Variants in NOSTRIN observed in about 807,000 individuals in gnomAD.
NOSTRIN encodes BM247 homolog.
A neutral mutation model predicts 59.0 loss-of-function variants in NOSTRIN; 63 were observed. The observed-to-expected ratio is 1.07, with a 90% confidence interval of 0.87 to 1.32. NOSTRIN has a LOEUF of 1.32. NOSTRIN is among the 40% of genes most tolerant of loss of function. The pLI, the probability that NOSTRIN is intolerant of heterozygous loss-of-function variation, is 0.00. For missense variants in NOSTRIN, 512 were observed against 473.1 expected (o/e 1.08, Z -0.76); for synonymous variants, 200 against 165.4 (o/e 1.21, Z -1.61).
intron 8 of NOSTRIN, among the ~76,000 whole-genome samples, chr2:168,846,813 G>A (rs1412604990): frequency 2.6e-5 from 4 of 152,048 alleles, no homozygotes; most frequent in East Asian, 1.9e-4. Context: ...AAAATGATTC[G>A]AGTGGCTGCT....
intron 2 of NOSTRIN, among the ~76,000 whole-genome samples, chr2:168,791,394 G>T (rs1337211978): frequency 1.3e-5 from 2 of 152,102 alleles, no homozygotes; most frequent in Non-Finnish European, 2.9e-5. Context: ...GTCTATCATT[G>T]TTGGACATTT....
At chr2:168,859,301 A>T in intron 12 of NOSTRIN, 1 of 566,674 alleles carries the variant, frequency 1.8e-6, no homozygotes, top group South Asian at 2.6e-5. Context: ...GTACAGAATG[A>T]GACACACTCA....
chr2:168,843,922 A>T (rs1228382630), intron 8 of NOSTRIN, among the ~76,000 whole-genome samples: 15 of 152,246 alleles, frequency 9.9e-5, no homozygotes, highest in African/African-American at 3.4e-4. Context: ...TTATAATTGC[A>T]TGTGAGAAAA....
At chr2:168,858,079 G>A (rs1197558605) in intron 12 of NOSTRIN, among the ~76,000 whole-genome samples, 5 of 152,224 alleles carry the variant, frequency 3.3e-5, no homozygotes. Flanking sequence ...GACCGCACAA[G>A]CTGTTTAGTT....
chr2:168,805,828 C>T (rs1480563867), intron 1 of NOSTRIN, among the ~76,000 whole-genome samples: 3 of 152,118 alleles, frequency 2.0e-5, no homozygotes, highest in East Asian at 1.9e-4. Context: ...TGCCATGGTC[C>T]GTAGCTCCTA....
intron 14 of NOSTRIN, among the ~76,000 whole-genome samples, chr2:168,861,635 C>G (rs1689455504): frequency 6.6e-6 from 1 of 152,058 alleles, no homozygotes. Flanking sequence ...GTATTTATAC[C>G]TGAATGGCAA....
chr2:168,788,982 C>T (rs1001541964), intron 2 of NOSTRIN, among the ~76,000 whole-genome samples: 4 of 152,068 alleles, frequency 2.6e-5, no homozygotes, highest in African/African-American at 9.7e-5. Context: ...GAGTCAATGC[C>T]TCCTCAGTAG....
chr2:168,791,806 T>A (rs1462380096), intron 2 of NOSTRIN, among the ~76,000 whole-genome samples: 2 of 152,246 alleles, frequency 1.3e-5, no homozygotes, highest in Non-Finnish European at 2.9e-5. Context: ...TGTCTGTTCA[T>A]ATCCTTCACC....
At chr2:168,792,183 T>G (rs1685374458) in intron 2 of NOSTRIN, among the ~76,000 whole-genome samples, 1 of 152,160 alleles carries the variant, frequency 6.6e-6, no homozygotes, top group Admixed American at 6.5e-5. Context: ...TTCAAAATCT[T>G]AATGTCCTAA....
chr2:168,831,512 G>C lies in NOSTRIN; in HGVS notation c.383G>C (p.Ser128Thr), dbSNP rs1203060762. The C allele has an allele frequency of 4.6e-6, 4 of 864,718 alleles. No individual in the cohort carries two copies. The highest frequency in any genetic ancestry group is 8.1e-6 in the Non-Finnish European group (4 of 494,880). The allele number at this position is 864,718 out of a possible 1,614,324, so 53.6% of individuals were successfully genotyped here. Residue 128 changes from serine (S) to threonine (T), a missense_variant, in exon 6 of 16, where the codon AGC becomes ACC. Ser to Thr is a moderately conservative substitution (Grantham distance 58). Transcript: ENST00000317647. ...GAAAAGACAGCAAATCTTGTCATTAGCAACTGGAATCAGCAAATTAAGGCA... is the reference window on the plus strand; with the variant it reads ...GAAAAGACAGCAAATCTTGTCATTACCAACTGGAATCAGCAAATTAAGGCA... Reference protein sequence around the residue: ...EVEKTANLVISNWNQQIKAKK... With the variant: ...EVEKTANLVITNWNQQIKAKK...
upstream of NOSTRIN, among the ~76,000 whole-genome samples, chr2:168,799,630 G>A (rs901212854): frequency 6.6e-6 from 1 of 152,096 alleles, no homozygotes; most frequent in African/African-American, 2.4e-5. Flanking sequence ...GGTGGAATGT[G>A]GGGTCAGAGG....
intron 8 of NOSTRIN, among the ~76,000 whole-genome samples, chr2:168,846,700 T>G (rs191047108): frequency 2.5e-4 from 38 of 152,340 alleles, no homozygotes; most frequent in African/African-American, 9.1e-4. Context: ...CTGAAGTACT[T>G]ACTCAAGGAA....
intron 3 of NOSTRIN, among the ~76,000 whole-genome samples, chr2:168,826,100 T>C (rs1356697360): frequency 2.0e-5 from 3 of 152,198 alleles, no homozygotes; most frequent in Admixed American, 2.0e-4. Context: ...CTATCTCTTA[T>C]GGTTGCTGTG....
chr2:168,843,999 G>A (rs1044713029), intron 8 of NOSTRIN, among the ~76,000 whole-genome samples: 2 of 152,218 alleles, frequency 1.3e-5, no homozygotes, highest in Non-Finnish European at 2.9e-5. Flanking sequence ...CATTTGGAAA[G>A]TGAACTAATA....
chr2:168,862,163 C>A, intron 15 of NOSTRIN, 114 bp downstream of exon 15: 3 of 861,484 alleles, frequency 3.5e-6, no homozygotes, highest in South Asian at 3.2e-5. Context: ...CAAATCAGTT[C>A]ACCCTTCTTG....
rs948079319 is a variant in NOSTRIN, at chr2:168,834,289, C to A, written c.468C>A (p.Ser156Arg). The A allele has an allele frequency of 2.3e-6, 2 of 872,712 alleles. No individual in the cohort carries two copies. Among genetic ancestry groups the A allele is most frequent in the African/African-American group, 1.6e-5 (1 of 61,288 alleles). The allele number at this position is 872,712 out of a possible 1,614,324, so 54.1% of individuals were successfully genotyped here. ...AAGCACTTTTCCAGCTTGTAGAAAG[C>A]TCCAAGCAATCTATGACTGAGAAGG... is the stretch of plus-strand genomic sequence containing the variant. ...KHEALFQLVE[S>R]SKQSMTEKEK... is the part of the protein sequence containing the mutation. Residue 156 changes from serine (S) to arginine (R), a missense_variant, in exon 7 of 16, where the codon AGC (serine) becomes AGA (arginine). Coordinates refer to ENST00000317647, the MANE Select transcript of NOSTRIN (RefSeq NM_001039724.4).
Position 168,855,332 on chromosome 2 carries a change from A to G in NOSTRIN, c.856-20A>G, listed in dbSNP as rs1689014316. On this transcript the variant is annotated intron_variant, in intron 10 of 15. Coordinates refer to ENST00000317647, the MANE Select transcript of NOSTRIN (RefSeq NM_001039724.4). The stretch of plus-strand genomic sequence containing the variant: ...TCTTACTTCTTCCCCCTTGTTAGAC[A>G]TCCTTCTTTTTTCCTAAAGGAAGAA... 7.5e-7 allele frequency: 1 copy of G among 1,331,152 alleles called. No individual in the cohort carries two copies. Among genetic ancestry groups the G allele is most frequent in the Middle Eastern group, 1.9e-4 (1 of 5,202 alleles). 82.5% of individuals were successfully genotyped at this position (1,331,152 alleles called of 1,614,324 possible). A position where few individuals can be genotyped will look rare whatever the true frequency, so the allele number is the denominator to read the frequency against.
chr2:168,856,780 TAAATGTTTGCCGAGTGC>T lies in NOSTRIN; in HGVS notation c.1053+4_1053+20del. The T allele has an allele frequency of 6.2e-7, 1 of 1,613,338 alleles. No homozygotes were observed. On this transcript the variant is annotated splice_donor_5th_base_variant and intron_variant, in intron 12 of 15. Transcript: ENST00000317647. The stretch of plus-strand genomic sequence containing the variant: ...GACACAGCAGCGTTAATGGATGAGG[TAAATGTTTGCCGAGTGC>T]ATTTCCTAGATGTAGTGATGAAAAG...
intron 10 of NOSTRIN, among the ~76,000 whole-genome samples, chr2:168,854,862 C>A (rs1214851547): frequency 1.3e-5 from 2 of 152,176 alleles, no homozygotes; most frequent in African/African-American, 4.8e-5. Context: ...AAATCATAAA[C>A]CCATTCTGGA....
Sources: allele counts gnomAD v4.1 joint callset (sites outside exome capture counted in the v4.1 genomes callset), GRCh38; gene constraint gnomAD v4.1.1; transcripts MANE v1.5; gene names NCBI Gene and HGNC (gene_info 2026-07-23, HGNC 2026-07-21).